MTR: variants seen among roughly 807,000 people sequenced by gnomAD.
The protein encoded by MTR is methionine synthase.
In MTR, 84 loss-of-function variants were observed where a neutral mutation model predicts 154.8. The observed-to-expected ratio is 0.54, with a 90% CI of 0.45 to 0.65. MTR has a LOEUF of 0.65. MTR is among the 30% of genes least tolerant of loss of function. The pLI is 0.00. For missense variants in MTR, 1,275 were observed against 1,570.2 expected, an observed-to-expected ratio of 0.81 and a Z score of 3.18; for synonymous variants, 554 against 553.9, an observed-to-expected ratio of 1.00 and a Z score of 0.00.
chr1:236,821,213 G>A (rs1446662505), intron 8 of MTR, among the ~76,000 whole-genome samples: 3 of 152,336 alleles, frequency 2.0e-5, no homozygotes, highest in South Asian at 2.1e-4. Context: ...GAAAGGGCAC[G>A]TTAGCATGTG....
chr1:236,886,456 A>G (rs1666016209), intron 27 of MTR, 89 bp downstream of exon 27: 4 of 1,245,864 alleles, frequency 3.2e-6, no homozygotes, highest in Admixed American at 3.6e-5. Flanking sequence ...CTGCAAAATC[A>G]AACCAGCAGC....
chr1:236,805,995 T>C (rs1660963157), intron 2 of MTR, 149 bp from the exon 3 acceptor site: 1 of 706,198 alleles, frequency 1.4e-6, no homozygotes, highest in East Asian at 2.7e-5. Flanking sequence ...TTACACCTTT[T>C]TGCATCTCTA....
intron 1 of MTR, among the ~76,000 whole-genome samples, 168 bp downstream of exon 1, chr1:236,795,905 T>A (rs1016960016): frequency 6.6e-6 from 1 of 152,200 alleles, no homozygotes; most frequent in Non-Finnish European, 1.5e-5. Flanking sequence ...GGGCTACGTG[T>A]TTTGCTCCAC....
chr1:236,815,687 A>G (rs774686643), intron 7 of MTR, 24 bp downstream of exon 7: 4 of 1,524,212 alleles, frequency 2.6e-6, no homozygotes, highest in African/African-American at 2.5e-5. Flanking sequence ...TGTTTGCACA[A>G]TACATTCTTT....
In MTR at chr1:236,838,625, C is replaced by T. The variant is rs758205282; in HGVS notation, c.1515+26C>T. 1.2e-5 allele frequency: 19 copies of T among 1,613,270 alleles called. No homozygotes were observed. In the Middle Eastern group the frequency reaches 5.0e-4, roughly 42 times the overall value. On this transcript the variant is annotated intron_variant, in intron 15 of 32. Coordinates refer to ENST00000366577, the MANE Select transcript of MTR (RefSeq NM_000254.3). ...GTGAGTGGTTTCTTTTGGCCTAATC[C>T]ATTGTGTTTCCCAGGTTAGATAGTG...
Position 236,835,595 on chromosome 1 carries a change from T to C in MTR, c.1237T>C (p.Leu413=), listed in dbSNP as rs2103148733. The stretch of plus-strand genomic sequence containing the variant: ...GCAGGTGGAAATGGGAGCCCAGGTG[T>C]TGGATGTCAACATGGATGATGGCAT... ...KVQVEMGAQV[L]DVNMDDGMLD... Residue 413 remains leucine (L), a synonymous_variant, in exon 14 of 33, where the codon TTG becomes CTG. Coordinates refer to ENST00000366577, the MANE Select transcript of MTR (RefSeq NM_000254.3). The C allele has an allele frequency of 6.2e-7, 1 of 1,611,192 alleles. No homozygotes were observed. Among genetic ancestry groups the C allele is most frequent in the Non-Finnish European group, 8.5e-7 (1 of 1,179,472 alleles).
At chr1:236,799,334 G>T (rs1052531797) in intron 1 of MTR, among the ~76,000 whole-genome samples, 5 of 151,404 alleles carry the variant, frequency 3.3e-5, no homozygotes, top group Non-Finnish European at 7.4e-5. Context: ...GTGTTGCCCA[G>T]GCTGTTTTCG....
chr1:236,894,234 C>A, intron 29 of MTR, 123 bp from the exon 30 acceptor site: 3 of 866,760 alleles, frequency 3.5e-6, no homozygotes, highest in Non-Finnish European at 5.7e-6. Flanking sequence ...ACAATACAGG[C>A]TGCCATCTGT....
intron 23 of MTR, 78 bp from the exon 24 acceptor site, chr1:236,874,648 A>G (rs1463638837): frequency 3.2e-6 from 4 of 1,234,200 alleles, no homozygotes; most frequent in Non-Finnish European, 4.5e-6. Context: ...TTTTAAATGG[A>G]TCTTCATCCT....
At chr1:236,825,221 AAGT>A in intron 9 of MTR, 114 bp from the exon 10 acceptor site, 2 of 546,384 alleles carry the variant, frequency 3.7e-6, no homozygotes, top group South Asian at 2.6e-5. Context: ...TTGTTTTTGC[AAGT>A]AGTCACCATT....
At chr1:236,887,496 C>T (rs185031822) in intron 27 of MTR, among the ~76,000 whole-genome samples, 179 of 152,314 alleles carry the variant, frequency 1.2e-3, no homozygotes, top group Admixed American at 2.5e-3. Flanking sequence ...GTTCAAGCTC[C>T]GATTATTTGC....
intron 27 of MTR, 29 bp from the exon 28 acceptor site, chr1:236,889,152 G>C: frequency 6.2e-7 from 1 of 1,613,872 alleles, no homozygotes; most frequent in East Asian, 2.2e-5. Context: ...GCCAGCGTCA[G>C]CATTGACAAC....
At chr1:236,881,580 T>C (rs1665738954) in intron 25 of MTR, among the ~76,000 whole-genome samples, 1 of 152,016 alleles carries the variant, frequency 6.6e-6, no homozygotes, top group Non-Finnish European at 1.5e-5. Flanking sequence ...GAGCACAGTT[T>C]GAGAACCACA....
In MTR at chr1:236,901,509, A is replaced by C. The variant is rs1275450277; in HGVS notation, c.*3865A>C. On this transcript the variant is annotated 3_prime_UTR_variant, in exon 33 of 33. Transcript: ENST00000366577. ...CTTCTGCCAGTCAGTAACACCATCA[A>C]CCTGGGAGTTGCCCCTGACCCCTCC... 6.6e-6 allele frequency: 1 copy of C among 152,324 alleles called. No homozygotes were observed. Among genetic ancestry groups the C allele is most frequent in the Non-Finnish European group, 1.5e-5 (1 of 68,112 alleles). 9.4% of individuals were successfully genotyped at this position (152,324 alleles called of 1,614,324 possible).
rs577444223 is a variant in MTR, at chr1:236,857,501, G to C, written c.1954-2332G>C. On this transcript the variant is annotated intron_variant, in intron 18 of 32. Coordinates refer to ENST00000366577, the MANE Select transcript of MTR (RefSeq NM_000254.3). The stretch of plus-strand genomic sequence containing the variant: ...TGGAAGGTCAAATTTAAACTCCACC[G>C]CATGGGTTTTTGGCCCTCTGTGTCT... 4.6e-5 allele frequency among the ~76,000 whole-genome samples: 7 copies of C among 152,288 alleles called. No homozygotes were observed. The South Asian group carries it at 1.2e-3, about 27-fold the overall frequency.
At chr1:236,893,398 T>C (rs75946680) in intron 29 of MTR, among the ~76,000 whole-genome samples, 2,579 of 152,286 alleles carry the variant, frequency 0.017, 74 homozygotes, top group African/African-American at 0.06. Context: ...TCCTGAGCAG[T>C]ACCATATATG....
At chr1:236,811,598 G>A (rs1661306107) in intron 5 of MTR, 2 of 455,774 alleles carry the variant, frequency 4.4e-6, no homozygotes, top group African/African-American at 2.0e-5. Context: ...TTCACTAGGA[G>A]TTGTTCATAC....
At chr1:236,828,467 C>A (rs1020330770) in intron 11 of MTR, among the ~76,000 whole-genome samples, 3 of 152,076 alleles carry the variant, frequency 2.0e-5, no homozygotes, top group African/African-American at 7.2e-5. Context: ...ATGTTTGCTT[C>A]TTTTACTTAG....
Position 236,897,784 on chromosome 1 carries a change from A to G in MTR, c.*140A>G, listed in dbSNP as rs539493282. Reference sequence around the variant, plus strand: ...TGCTTCTGGTTTTCGAAGACTATTTAGTGGAACCTTGTAGAGGAGCAGGGT... The same window carrying G: ...TGCTTCTGGTTTTCGAAGACTATTTGGTGGAACCTTGTAGAGGAGCAGGGT... On this transcript the variant is annotated 3_prime_UTR_variant, in exon 33 of 33. Coordinates refer to ENST00000366577, the MANE Select transcript of MTR (RefSeq NM_000254.3). 7 of 754,760 alleles carry G rather than the reference A, an allele frequency of 9.3e-6. No individual in the cohort carries two copies. The highest frequency in any genetic ancestry group is 1.6e-5 in the Non-Finnish European group (7 of 447,796). The allele number at this position is 754,760 out of a possible 1,614,324, so 46.8% of individuals were successfully genotyped here. A position where few individuals can be genotyped will look rare whatever the true frequency, so the allele number is the denominator to read the frequency against.
Sources: allele counts gnomAD v4.1 joint callset (sites outside exome capture counted in the v4.1 genomes callset), GRCh38; gene constraint gnomAD v4.1.1; transcripts MANE v1.5; gene names NCBI Gene and HGNC (gene_info 2026-07-23, HGNC 2026-07-21).